SYNPO: variants seen among roughly 807,000 people sequenced by gnomAD.
SYNPO encodes the protein synaptopodin.
A neutral mutation model predicts 49.5 loss-of-function variants in SYNPO; 19 were observed. The observed-to-expected ratio is 0.38, with a 90% CI of 0.27 to 0.56. SYNPO has a LOEUF of 0.56. SYNPO is among the 20% of genes least tolerant of loss of function. The pLI, the probability that SYNPO is intolerant of heterozygous loss-of-function variation, is 0.68. For synonymous variants in SYNPO, 536 were observed against 548.0 expected (o/e 0.98, Z 0.31); for missense variants, 1,131 against 1,248.3 (o/e 0.91, Z 1.42).
chr5:150,613,772 G>T (rs1276890995), intron 1 of SYNPO, among the ~76,000 whole-genome samples: 1 of 152,136 alleles, frequency 6.6e-6, no homozygotes, highest in Non-Finnish European at 1.5e-5. Flanking sequence ...TATAAAATTA[G>T]ATCTTGTGAT....
At position 150,648,262 on chromosome 5, in the gene SYNPO, T is replaced by C; in HGVS notation, c.-14T>C. 1 of 1,613,602 alleles carries C rather than the reference T, an allele frequency of 6.2e-7. No individual in the cohort carries two copies. The highest frequency in any genetic ancestry group is 8.5e-7 in the Non-Finnish European group (1 of 1,179,868). On this transcript the variant is annotated 5_prime_UTR_variant, in exon 2 of 3. Coordinates refer to ENST00000307662, the MANE Select transcript of SYNPO (RefSeq NM_007286.6). The surrounding 1 kb of genome is among the most constrained non-coding windows in gnomAD (Gnocchi z 5.0). ...AGTCCCCAGAGCCCCGACAGAGGGG[T>C]CCCTGGCCACAGCATGGAGGGGTAC... is the stretch of plus-strand genomic sequence containing the variant.
rs756771690 is a variant in SYNPO at position 150,649,795 on chromosome 5, G to T, written c.1520G>T (p.Arg507Leu). 1.2e-6 allele frequency: 2 copies of T among 1,611,378 alleles called. No homozygotes were observed. Among genetic ancestry groups the T allele is most frequent in the Non-Finnish European group, 8.5e-7 (1 of 1,180,006 alleles). The change falls in exon 2 of 3, where the codon CGC becomes CTC. Residue 507 changes from arginine (R) to leucine (L), a missense_variant. Physicochemically the swap from Arg to Leu is moderately radical, Grantham distance 102 (BLOSUM62 -2). Transcript: ENST00000307662. ...TCAAGCCACACGCCAGAGCTGGCCCGCTGCCCATCACCTACCATGTCCCTG... is the reference window on the plus strand; with the variant it reads ...TCAAGCCACACGCCAGAGCTGGCCCTCTGCCCATCACCTACCATGTCCCTG... ...ESSSHTPELA[R>L]CPSPTMSLPS...
intron 2 of SYNPO, chr5:150,652,394 T>C: frequency 4.1e-6 from 4 of 986,348 alleles, no homozygotes; most frequent in Non-Finnish European, 4.8e-6. Flanking sequence ...CCCTTCCTCC[T>C]GCCTGATTCT....
the SYNPO span, among the ~76,000 whole-genome samples, chr5:150,593,349 A>G: frequency 6.6e-6 from 1 of 152,150 alleles, no homozygotes; most frequent in African/African-American, 2.4e-5. Flanking sequence ...AGCCCCGGAG[A>G]CCTGGGTTCT....
At chr5:150,651,513 G>A (rs1399989422) in intron 2 of SYNPO, 13 of 1,001,030 alleles carry the variant, frequency 1.3e-5, no homozygotes, top group Non-Finnish European at 1.4e-5. Context: ...AAGGACAGGT[G>A]GCGTTAGATG....
At chr5:150,635,573 A>AT (rs997411496) in intron 2 of SYNPO, among the ~76,000 whole-genome samples, 22 of 152,108 alleles carry the variant, frequency 1.4e-4, no homozygotes, top group African/African-American at 5.3e-4. Context: ...GGTTGAAGTG[A>AT]TTCTCTTGCC....
At chr5:150,653,655 G>A (rs1758466000) in intron 2 of SYNPO, 2 of 152,168 alleles carry the variant, frequency 1.3e-5, no homozygotes, top group South Asian at 4.1e-4. Flanking sequence ...CCTGGAGCTG[G>A]GACCTTCCTC....
At chr5:150,587,738 C>T in the SYNPO span, among the ~76,000 whole-genome samples, 1 of 152,172 alleles carries the variant, frequency 6.6e-6, no homozygotes, top group Non-Finnish European at 1.5e-5. Flanking sequence ...GTGTCCAAGG[C>T]CACACAGCAA....
chr5:150,638,336 TC>T (rs1008351852), upstream of SYNPO, among the ~76,000 whole-genome samples: 4 of 152,316 alleles, frequency 2.6e-5, no homozygotes, highest in Admixed American at 1.3e-4. Flanking sequence ...TTCATCTCCT[TC>T]CCTCACAAAC....
intron 2 of SYNPO, chr5:150,624,918 G>A (rs1412657387): frequency 2.0e-6 from 2 of 985,474 alleles, no homozygotes; most frequent in Non-Finnish European, 2.4e-6. Flanking sequence ...GTGAGTGAGG[G>A]GCGCTGGCCT....
chr5:150,627,371 A>G (rs753146988), intron 2 of SYNPO, among the ~76,000 whole-genome samples: 1 of 152,072 alleles, frequency 6.6e-6, no homozygotes, highest in Non-Finnish European at 1.5e-5. Flanking sequence ...TGCTAGGCCA[A>G]CCTCTGCTGC....
At chr5:150,621,018 T>A (rs1210640055) in intron 2 of SYNPO, among the ~76,000 whole-genome samples, 5 of 150,250 alleles carry the variant, frequency 3.3e-5, no homozygotes, top group Admixed American at 2.7e-4. Flanking sequence ...AGTGGCATGA[T>A]CTCGGCTCAT....
intron 1 of SYNPO, among the ~76,000 whole-genome samples, chr5:150,641,845 G>A (rs933575295): frequency 1.3e-5 from 2 of 152,252 alleles, no homozygotes; most frequent in Non-Finnish European, 2.9e-5. Flanking sequence ...AGACATTGCT[G>A]AGGGGCATTG....
At position 150,648,686 on chromosome 5, in the gene SYNPO, G is replaced by C. The variant is rs975004023; in HGVS notation, c.411G>C (p.Leu137=). The stretch of plus-strand genomic sequence containing the variant: ...GGCCTGCTTCCAAACCCAGCACCCT[G>C]TGTGCTGATGGGCAACCCCAGGCAC... ...GTGPASKPST[L]CADGQPQAPA... The change falls in exon 2 of 3, where the codon CTG becomes CTC. Residue 137 remains leucine (L), a synonymous_variant. Transcript: ENST00000307662. The surrounding 1 kb of genome is among the most constrained non-coding windows in gnomAD (Gnocchi z 5.0). The C allele has an allele frequency of 5.0e-6, 8 of 1,614,070 alleles. No individual in the cohort carries two copies. Among genetic ancestry groups the C allele is most frequent in the Non-Finnish European group, 6.8e-6 (8 of 1,180,054 alleles).
chr5:150,651,424 G>C (rs544899104), intron 2 of SYNPO: 252 of 1,000,496 alleles, frequency 2.5e-4, no homozygotes, highest in Admixed American at 3.7e-4. Flanking sequence ...GAGAGGATAG[G>C]CTGGTGCTTT....
intron 2 of SYNPO, among the ~76,000 whole-genome samples, chr5:150,629,579 G>A (rs1757472397): frequency 6.6e-6 from 1 of 152,186 alleles, no homozygotes; most frequent in Non-Finnish European, 1.5e-5. Context: ...AAGGGTCAAG[G>A]AAGGGGCAGG....
At position 150,656,553 on chromosome 5, in the gene SYNPO, G is replaced by T; in HGVS notation, c.2178G>T (p.Pro726=). 3 of 1,527,966 alleles carry T rather than the reference G, an allele frequency of 2.0e-6. No individual in the cohort carries two copies. Among genetic ancestry groups the T allele is most frequent in the Non-Finnish European group, 1.7e-6 (2 of 1,143,804 alleles). The allele number at this position is 1,527,966 out of a possible 1,614,324, so 94.7% of individuals were successfully genotyped here. ...GCCCCCCGCCGCTGCCGCCGCCACCGCCCATGTCTCCCTCGTGGAGCGAGC... is the reference window on the plus strand; with the variant it reads ...GCCCCCCGCCGCTGCCGCCGCCACCTCCCATGTCTCCCTCGTGGAGCGAGC... ...MSSPPPLPPP[P]PMSPSWSERS... The change falls in exon 3 of 3, where the codon CCG becomes CCT. Residue 726 remains proline, a synonymous_variant. Coordinates refer to ENST00000307662, the MANE Select transcript of SYNPO (RefSeq NM_007286.6).
chr5:150,591,189 G>A, the SYNPO span, among the ~76,000 whole-genome samples: 1 of 152,202 alleles, frequency 6.6e-6, no homozygotes, highest in African/African-American at 2.4e-5. Context: ...GGTGGGTCTT[G>A]GCAAAGCTGA....
intron 1 of SYNPO, among the ~76,000 whole-genome samples, chr5:150,645,642 A>G (rs1351627086): frequency 1.3e-5 from 2 of 152,256 alleles, no homozygotes; most frequent in Non-Finnish European, 2.9e-5. Flanking sequence ...TTATGTCCCA[A>G]AGAGACCTTT....
Sources: allele counts gnomAD v4.1 joint callset (sites outside exome capture counted in the v4.1 genomes callset), GRCh38; gene constraint gnomAD v4.1.1; non-coding constraint Gnocchi (gnomAD v3.1); transcripts MANE v1.5; gene names NCBI Gene and HGNC (gene_info 2026-07-23, HGNC 2026-07-21).